IHO1: variants seen among roughly 807,000 people sequenced by gnomAD.
IHO1 encodes interactor of HORMAD1 1.
A neutral mutation model predicts 31.0 loss-of-function variants in IHO1; 13 were observed. That is an observed-to-expected ratio of 0.42 (90% CI 0.27 to 0.67). IHO1 has a LOEUF of 0.67. Ranked by LOEUF, IHO1 falls within the 30% of genes least tolerant of loss-of-function variation. The probability of loss-of-function intolerance (pLI) is 0.24; values close to 1 mark genes in which losing one functional copy is unlikely to be tolerated. For synonymous variants in IHO1, 221 were observed against 248.4 expected (o/e 0.89, Z 1.04); for missense variants, 599 against 687.5 (o/e 0.87, Z 1.44).
chr3:49,201,039 G>A (rs1389168589), intron 1 of IHO1, among the ~76,000 whole-genome samples: 2 of 150,988 alleles, frequency 1.3e-5, no homozygotes, highest in Non-Finnish European at 2.9e-5. Flanking sequence ...TGTTGCCCAG[G>A]CTGGAGTGCA....
chr3:49,250,618 T>G (rs1489767927), intron 6 of IHO1, among the ~76,000 whole-genome samples: 1 of 152,234 alleles, frequency 6.6e-6, no homozygotes, highest in African/African-American at 2.4e-5. Flanking sequence ...GAAGAATATT[T>G]GACTAATTGG....
At chr3:49,199,733 C>T (rs1210151847) in intron 1 of IHO1, 160 bp downstream of exon 1, 1 of 150,352 alleles carries the variant, frequency 6.7e-6, no homozygotes. Flanking sequence ...CTTTCTTTCC[C>T]TATGGCGATG....
At position 49,236,688 on chromosome 3, in the gene IHO1, G is replaced by A. The variant is rs759518048; in HGVS notation, c.197G>A (p.Arg66Lys). The A allele has an allele frequency of 1.2e-6, 2 of 1,613,886 alleles. No individual in the cohort carries two copies. Among genetic ancestry groups the A allele is most frequent in the African/African-American group, 1.3e-5 (1 of 74,892 alleles). ...CCCTTGGACTTTGGTGCCCACTTGA[G>A]ACATTCAAAACAGTCACAACAGAAC... Reference protein sequence around the residue: ...SAPLDFGAHLRHSKQSQQNYL... With the variant: ...SAPLDFGAHLKHSKQSQQNYL... The change falls in exon 3 of 8, where the codon AGA (arginine) becomes AAA (lysine). Residue 66 changes from arginine to lysine, a missense_variant. Arg to Lys is a conservative substitution (Grantham distance 26). Transcript: ENST00000452691.
At chr3:49,243,093 T>C (rs772416070) in intron 4 of IHO1, among the ~76,000 whole-genome samples, 1 of 152,062 alleles carries the variant, frequency 6.6e-6, no homozygotes, top group South Asian at 2.1e-4. Flanking sequence ...GTTGATCTTC[T>C]GTTCATGTCC....
the IHO1 span, chr3:49,191,878 G>T: frequency 9.2e-7 from 1 of 1,083,584 alleles, no homozygotes; most frequent in Admixed American, 2.0e-5. Flanking sequence ...TAGTGACAAG[G>T]GAAGGTTGTG....
intron 6 of IHO1, 84 bp downstream of exon 6, chr3:49,244,817 T>A: frequency 1.7e-6 from 2 of 1,196,894 alleles, no homozygotes; most frequent in Non-Finnish European, 2.5e-6. Flanking sequence ...TGGTTTCCAG[T>A]GGTGAGGTTC....
Position 49,256,270 on chromosome 3 carries a change from A to G in IHO1, c.773A>G (p.Lys258Arg), listed in dbSNP as rs1405806850. ...GTGCCCAGTGTCCTAGCAGAGCTGA[A>G]GAGATTGATCTCAGTGCCTCCAGTG... is the stretch of plus-strand genomic sequence containing the variant. ...LNVPSVLAELKRLISVPPVKD... is the reference protein window; with the variant it reads ...LNVPSVLAELRRLISVPPVKD... Residue 258 changes from lysine (K) to arginine (R), a missense_variant, in exon 8 of 8, where the codon AAG becomes AGG. By Grantham distance (26) the Lys-to-Arg change is conservative. Coordinates refer to ENST00000452691, the MANE Select transcript of IHO1 (RefSeq NM_001135197.2). This position sits in a 1 kb window ranked among gnomAD's most constrained non-coding sequence, Gnocchi z 4.6. 3.1e-6 allele frequency: 5 copies of G among 1,614,090 alleles called. No homozygotes were observed. Among genetic ancestry groups the G allele is most frequent in the Non-Finnish European group, 4.2e-6 (5 of 1,180,056 alleles).
chr3:49,240,965 T>C (rs1458728488), intron 3 of IHO1, among the ~76,000 whole-genome samples: 2 of 152,246 alleles, frequency 1.3e-5, no homozygotes, highest in African/African-American at 2.4e-5. Context: ...TTTAAATTTA[T>C]GCAATTGATT....
Position 49,231,334 on chromosome 3 carries a change from G to T in IHO1, c.57-5214G>T, listed in dbSNP as rs190163467. On this transcript the variant is annotated intron_variant, in intron 2 of 7. Transcript: ENST00000452691. ...CTAAAACAAAACTGTTTCCATTTTT[G>T]AAATTAACTAATTGGATTCTCCCTA... Among the ~76,000 whole-genome samples, 786 of 152,240 alleles carry T rather than the reference G, an allele frequency of 5.2e-3. 3 individuals are homozygous for T. Among genetic ancestry groups the T allele is most frequent in the Non-Finnish European group, 6.6e-3 (447 of 68,006 alleles).
At chr3:49,194,891 G>A (rs531351433), upstream of IHO1, among the ~76,000 whole-genome samples, 23 of 151,564 alleles carry the variant, frequency 1.5e-4, no homozygotes, top group South Asian at 2.3e-3. Context: ...ATGAGACCCC[G>A]TCTCAAATAA....
At chr3:49,225,419 C>T (rs547126764) in intron 2 of IHO1, among the ~76,000 whole-genome samples, 1 of 151,968 alleles carries the variant, frequency 6.6e-6, no homozygotes, top group East Asian at 1.9e-4. Flanking sequence ...GCAGAGATTG[C>T]GCCATCGCAT....
intron 2 of IHO1, among the ~76,000 whole-genome samples, chr3:49,220,289 C>T (rs1212938515): frequency 4.6e-5 from 7 of 152,216 alleles, no homozygotes; most frequent in Admixed American, 4.6e-4. Context: ...CAGGCAATTC[C>T]CTCATCTGTG....
At chr3:49,216,341 C>T (rs1233907513) in intron 2 of IHO1, among the ~76,000 whole-genome samples, 2 of 152,050 alleles carry the variant, frequency 1.3e-5, no homozygotes, top group East Asian at 1.9e-4. Context: ...ACCTGTAATC[C>T]CAGCACTTTG....
At chr3:49,193,683 G>T (rs912333647), upstream of IHO1, among the ~76,000 whole-genome samples, 1 of 117,126 alleles carries the variant, frequency 8.5e-6, no homozygotes, top group Admixed American at 8.7e-5. Context: ...AAAAAAAAAG[G>T]CCAGGTGCAG....
chr3:49,243,231 C>T (rs145113193), intron 4 of IHO1, among the ~76,000 whole-genome samples: 8 of 152,126 alleles, frequency 5.3e-5, no homozygotes, highest in African/African-American at 1.4e-4. Context: ...TAACCTCTGC[C>T]GCCTGGGTTC....
chr3:49,219,552 CCT>C (rs1239237386), intron 2 of IHO1, among the ~76,000 whole-genome samples: 1 of 152,150 alleles, frequency 6.6e-6, no homozygotes, highest in African/African-American at 2.4e-5. Flanking sequence ...CTGTGAGTCC[CCT>C]GATTTCCCTT....
At chr3:49,199,831 T>A (rs1259596173) in intron 1 of IHO1, 1 of 152,290 alleles carries the variant, frequency 6.6e-6, no homozygotes, top group Non-Finnish European at 1.5e-5. Context: ...CGCGACCTCC[T>A]ATCCCAGATC....
At chr3:49,251,900 C>T (rs1326801779) in intron 6 of IHO1, among the ~76,000 whole-genome samples, 1 of 151,952 alleles carries the variant, frequency 6.6e-6, no homozygotes, top group Non-Finnish European at 1.5e-5. Flanking sequence ...CGTGCCTGGC[C>T]TACTTAGTTT....
At chr3:49,245,151 A>G in intron 6 of IHO1, 2 of 374,740 alleles carry the variant, frequency 5.3e-6, no homozygotes, top group Admixed American at 4.1e-5. Flanking sequence ...CCTTGGTTTC[A>G]GTGAGAGCTG....
Sources: gnomAD v4.1 joint callset for allele counts (sites outside exome capture counted in the v4.1 genomes callset) on GRCh38, gnomAD v4.1.1 for gene constraint, Gnocchi (gnomAD v3.1) non-coding constraint, MANE v1.5 for transcripts, NCBI Gene and HGNC (gene_info 2026-07-23, HGNC 2026-07-21) for gene names.